Variants in PRKG1 observed in about 807,000 individuals in gnomAD.
The protein encoded by PRKG1 is cGMP-dependent protein kinase 1.
In PRKG1, 35 loss-of-function variants were observed where a neutral mutation model predicts 88.1. The ratio of observed to expected loss-of-function variants is 0.40; its 90% CI spans 0.30 to 0.53. The LOEUF is 0.53. Ranked by LOEUF, PRKG1 falls within the 20% of genes least tolerant of loss-of-function variation. The probability of loss-of-function intolerance (pLI) is 0.59; values close to 1 mark genes in which losing one functional copy is unlikely to be tolerated. For missense variants in PRKG1, 540 were observed against 839.8 expected (o/e 0.64, Z 4.41); for synonymous variants, 303 against 292.5 (o/e 1.04, Z -0.37).
chr10:52,054,305 A>G lies in PRKG1; in HGVS notation c.763-179A>G, dbSNP rs2133254136. On this transcript the variant is annotated intron_variant, in intron 5 of 17. Coordinates refer to ENST00000373980, the MANE Select transcript of PRKG1 (RefSeq NM_006258.4). ...AAAGAAAATGAGCATTATAGAGATGATATCTTTGTCATTATTGCATACATT... is the reference window on the plus strand; with the variant it reads ...AAAGAAAATGAGCATTATAGAGATGGTATCTTTGTCATTATTGCATACATT... Among the ~76,000 whole-genome samples, 3 of 152,326 alleles carry G rather than the reference A, an allele frequency of 2.0e-5. No homozygotes were observed. In the Middle Eastern group the frequency reaches 0.01, roughly 518 times the overall value.
chr10:51,373,131 G>A (rs899473538), intron 2 of PRKG1, among the ~76,000 whole-genome samples: 3 of 152,094 alleles, frequency 2.0e-5, no homozygotes, highest in Non-Finnish European at 4.4e-5. Context: ...AGGCAATATA[G>A]CATAGTGGTT....
intron 4 of PRKG1, among the ~76,000 whole-genome samples, chr10:51,850,162 A>T (rs1840509244): frequency 6.6e-6 from 1 of 152,174 alleles, no homozygotes; most frequent in Admixed American, 6.5e-5. Context: ...ATTGGCATAA[A>T]TTTGACCACT....
At chr10:51,785,395 A>G (rs1838702840) in intron 3 of PRKG1, among the ~76,000 whole-genome samples, 1 of 152,138 alleles carries the variant, frequency 6.6e-6, no homozygotes, top group African/African-American at 2.4e-5. Context: ...ACAAGAAAAG[A>G]AAAACAAAAT....
intron 5 of PRKG1, among the ~76,000 whole-genome samples, chr10:51,936,446 G>T (rs1400040269): frequency 6.6e-6 from 1 of 152,000 alleles, no homozygotes; most frequent in Non-Finnish European, 1.5e-5. Flanking sequence ...TGATAATTTT[G>T]TTTTCTGAAA....
chr10:51,320,063 C>T, intron 2 of PRKG1: 1 of 180,806 alleles, frequency 5.5e-6, no homozygotes. Context: ...TGAGGAGCTG[C>T]CCACACAGAT....
intron 3 of PRKG1, among the ~76,000 whole-genome samples, chr10:51,569,948 T>C (rs16919757): frequency 0.014 from 2,155 of 151,600 alleles, 36 homozygotes; most frequent in Non-Finnish European, 0.021. Flanking sequence ...GAAGCTCTGA[T>C]TGTTTTAGAG....
intron 3 of PRKG1, among the ~76,000 whole-genome samples, chr10:51,801,326 A>C (rs1839168492): frequency 6.6e-6 from 1 of 152,108 alleles, no homozygotes; most frequent in Admixed American, 6.6e-5. Context: ...TGTTTCATAC[A>C]ATTCTCATGT....
chr10:51,921,008 G>A (rs972168264), intron 5 of PRKG1, among the ~76,000 whole-genome samples: 14 of 152,052 alleles, frequency 9.2e-5, no homozygotes, highest in African/African-American at 3.4e-4. Flanking sequence ...ACCATAGAGT[G>A]TTGTACAGTT....
chr10:51,043,782 G>A (rs1843454649), intron 1 of PRKG1, among the ~76,000 whole-genome samples: 1 of 152,168 alleles, frequency 6.6e-6, no homozygotes, highest in Non-Finnish European at 1.5e-5. Flanking sequence ...GTGTATGAGT[G>A]AGTGAATGTT....
At chr10:51,899,940 C>G (rs559122604) in intron 4 of PRKG1, among the ~76,000 whole-genome samples, 14 of 151,944 alleles carry the variant, frequency 9.2e-5, no homozygotes, top group African/African-American at 3.4e-4. Context: ...TTTAAAAGAG[C>G]CTGGCACCTC....
At chr10:51,525,554 CG>C (rs1242795930) in intron 3 of PRKG1, among the ~76,000 whole-genome samples, 1 of 151,820 alleles carries the variant, frequency 6.6e-6, no homozygotes, top group Non-Finnish European at 1.5e-5. Flanking sequence ...AAAAATTAGC[CG>C]GGTGTGGTGG....
chr10:51,332,766 G>C (rs1369438557), intron 2 of PRKG1, among the ~76,000 whole-genome samples: 1 of 152,134 alleles, frequency 6.6e-6, no homozygotes. Context: ...TTGCCTAGAA[G>C]GAACCACGAT....
intron 2 of PRKG1, among the ~76,000 whole-genome samples, chr10:51,414,589 G>A (rs554941387): frequency 1.8e-4 from 28 of 152,114 alleles, no homozygotes; most frequent in African/African-American, 4.1e-4. Flanking sequence ...TTAGCAGCTC[G>A]TGGTAACAAT....
intron 7 of PRKG1, among the ~76,000 whole-genome samples, chr10:52,063,567 G>C (rs990398587): frequency 6.6e-6 from 1 of 152,250 alleles, no homozygotes; most frequent in Non-Finnish European, 1.5e-5. Flanking sequence ...ACCATTCAGT[G>C]GTTCCCGATT....
chr10:51,166,842 G>A (rs1223167605), intron 2 of PRKG1, among the ~76,000 whole-genome samples: 1 of 152,136 alleles, frequency 6.6e-6, no homozygotes, highest in Non-Finnish European at 1.5e-5. Context: ...ACTTTGACAA[G>A]CGTATTATAT....
At chr10:51,160,875 C>CGTGTGT (rs71459406) in intron 2 of PRKG1, among the ~76,000 whole-genome samples, 7,595 of 149,922 alleles carry the variant, frequency 0.051, 186 homozygotes, top group Non-Finnish European at 0.065. Context: ...TCTTCATGCT[C>CGTGTGT]GTGTGTGTGT....
intron 2 of PRKG1, among the ~76,000 whole-genome samples, chr10:51,374,734 GT>G (rs1266997373): frequency 6.6e-6 from 1 of 152,108 alleles, no homozygotes; most frequent in African/African-American, 2.4e-5. Flanking sequence ...CTCCAGAACG[GT>G]AAGAAATAAA....
chr10:51,458,528 G>T (rs1322412559), intron 2 of PRKG1, among the ~76,000 whole-genome samples: 1 of 151,416 alleles, frequency 6.6e-6, no homozygotes, highest in African/African-American at 2.4e-5. Context: ...CACACACAAA[G>T]ATCTTTCACA....
chr10:52,061,924 A>G (rs1490371842), intron 6 of PRKG1, among the ~76,000 whole-genome samples: 1 of 152,090 alleles, frequency 6.6e-6, no homozygotes, highest in Non-Finnish European at 1.5e-5. Context: ...TAGGATATGC[A>G]TATGGAGGCA....
Sources: gnomAD v4.1 joint callset for allele counts (sites outside exome capture counted in the v4.1 genomes callset) on GRCh38, gnomAD v4.1.1 for gene constraint, MANE v1.5 for transcripts, NCBI Gene and HGNC (gene_info 2026-07-23, HGNC 2026-07-21) for gene names.